The following ERCC5 variants were observed in gnomAD, a reference collection of about 807,000 sequenced individuals.
ERCC5 encodes the protein ERCC excision repair 5, endonuclease, also known as DNA excision repair protein ERCC-5.
ERCC5 carries 68 observed loss-of-function variants against 105.6 expected under a neutral mutation model. The ratio of observed to expected loss-of-function variants is 0.64; its 90% CI spans 0.53 to 0.79. ERCC5 has a LOEUF of 0.79. Ranked by LOEUF, ERCC5 falls within the 30% of genes least tolerant of loss-of-function variation. The pLI, the probability that ERCC5 is intolerant of heterozygous loss-of-function variation, is 0.00. For synonymous variants in ERCC5, 546 were observed against 526.2 expected (o/e 1.04, Z -0.51); for missense variants, 1,373 against 1,426.7 (o/e 0.96, Z 0.61).
chr13:102,866,196 G>A (rs2140531826), intron 9 of ERCC5, 66 bp from the exon 10 acceptor site: 1 of 1,602,442 alleles, frequency 6.2e-7, no homozygotes, highest in Non-Finnish European at 8.5e-7. Flanking sequence ...CTAAATGCAG[G>A]CTTTTTGTAA....
chr13:102,846,217 A>C lies in ERCC5; in HGVS notation c.-50A>C, dbSNP rs778338109. On this transcript the variant is annotated 5_prime_UTR_variant, in exon 1 of 15. Coordinates refer to ENST00000652225, the MANE Select transcript of ERCC5 (RefSeq NM_000123.4). ...AGGCGGCGGTGCAGTCCGTCGTAGA[A>C]GAATTAGAGTAGAAGTTGTCGGGGT... The C allele has an allele frequency of 2.9e-5, 44 of 1,507,424 alleles. No homozygotes were observed. In the African/African-American group the frequency reaches 5.8e-4, roughly 20 times the overall value. The allele number at this position is 1,507,424 out of a possible 1,614,324, so 93.4% of individuals were successfully genotyped here.
intron 8 of ERCC5, among the ~76,000 whole-genome samples, chr13:102,863,857 A>G (rs1220109979): frequency 2.0e-5 from 3 of 152,154 alleles, no homozygotes. Flanking sequence ...TTGAATCCCT[A>G]TTCTGGCACC....
chr13:102,862,492 C>G lies in ERCC5; in HGVS notation c.1343C>G (p.Ser448Ter). Reference protein sequence around the residue: ...KGIPFTATLASSSVNSAEEHV... With the variant: ...KGIPFTATLA ...ATACCGTTTACTGCAACACTTGCGTCATCTAGTGTGAACTCTGCAGAGGAG... is the reference window on the plus strand; with the variant it reads ...ATACCGTTTACTGCAACACTTGCGTGATCTAGTGTGAACTCTGCAGAGGAG... Residue 448 changes from serine to a stop codon, truncating the protein, a stop_gained, in exon 8 of 15, where the codon TCA (serine) becomes TGA (stop). Coordinates refer to ENST00000652225, the MANE Select transcript of ERCC5 (RefSeq NM_000123.4). LOFTEE classifies it high-confidence loss of function. 1 of 1,614,004 alleles carries G rather than the reference C, an allele frequency of 6.2e-7. No individual in the cohort carries two copies. The highest frequency in any genetic ancestry group is 1.1e-5 in the South Asian group (1 of 91,076).
rs1329656284 is a variant in ERCC5 at position 102,846,258 on chromosome 13, A to G, written c.-9A>G. 2 of 1,612,030 alleles carry G rather than the reference A, an allele frequency of 1.2e-6. No individual in the cohort carries two copies. The highest frequency in any genetic ancestry group is 1.7e-6 in the Non-Finnish European group (2 of 1,178,922). On this transcript the variant is annotated 5_prime_UTR_variant, in exon 1 of 15. Transcript: ENST00000652225. Reference sequence around the variant, plus strand: ...TTGTCGGGGTCCGCTCTTAGGACGCAGCCGCCTCATGGGGGTCCAGGGGCT... The same window carrying G: ...TTGTCGGGGTCCGCTCTTAGGACGCGGCCGCCTCATGGGGGTCCAGGGGCT...
rs767586223 is a variant in ERCC5 at position 102,875,935 on chromosome 13, T to C, written c.*32T>C. ...AATATGTATCCTCTATAATTAGTTA[T>C]GACAGCCATTTGTAATGAATTTGTC... On this transcript the variant is annotated 3_prime_UTR_variant, in exon 15 of 15. Coordinates refer to ENST00000652225, the MANE Select transcript of ERCC5 (RefSeq NM_000123.4). The C allele has an allele frequency of 6.3e-7, 1 of 1,596,536 alleles. No homozygotes were observed. Among genetic ancestry groups the C allele is most frequent in the South Asian group, 1.1e-5 (1 of 90,538 alleles).
intron 6 of ERCC5, chr13:102,858,984 G>A (rs760086833): frequency 1.8e-5 from 8 of 452,430 alleles, no homozygotes; most frequent in Non-Finnish European, 2.7e-5. Flanking sequence ...CCTGGACAGT[G>A]CGAATGGGGC....
chr13:102,849,778 C>G (rs1040797677), intron 1 of ERCC5, among the ~76,000 whole-genome samples: 6 of 152,146 alleles, frequency 3.9e-5, no homozygotes, highest in African/African-American at 1.4e-4. Context: ...AGGGCCAATA[C>G]TGTGTTTTGT....
At position 102,865,686 on chromosome 13, in the gene ERCC5, A is replaced by G. The variant is rs55686372; in HGVS notation, c.1974A>G (p.Gln658=). The G allele has an allele frequency of 9.2e-4, 1,488 of 1,613,746 alleles. 21 individuals are homozygous for G. In the African/African-American group the frequency reaches 0.018, roughly 20 times the overall value. Reference sequence around the variant, plus strand: ...GTACAGGAAGTTTCATTGAAGTGCAAAGTGTGATTAGTGATGAGGAACTTC... The same window carrying G: ...GTACAGGAAGTTTCATTGAAGTGCAGAGTGTGATTAGTGATGAGGAACTTC... ...SESDGSFIEV[Q]SVISDEELQA... The change falls in exon 9 of 15, where the codon CAA becomes CAG. Residue 658 remains glutamine (Q), a synonymous_variant. Transcript: ENST00000652225. The surrounding 1 kb of genome is among the most constrained non-coding windows in gnomAD (Gnocchi z 4.0).
At chr13:102,871,676 A>AT (rs1417257225) in intron 12 of ERCC5, among the ~76,000 whole-genome samples, 2 of 152,024 alleles carry the variant, frequency 1.3e-5, no homozygotes, top group Non-Finnish European at 2.9e-5. Flanking sequence ...GTTTTTACAG[A>AT]TTTTTTAAAC....
intron 4 of ERCC5, among the ~76,000 whole-genome samples, chr13:102,855,436 A>G (rs1427330001): frequency 6.6e-6 from 1 of 152,202 alleles, no homozygotes; most frequent in East Asian, 1.9e-4. Context: ...TTTTTAGTAG[A>G]GACGAGGTTT....
intron 6 of ERCC5, among the ~76,000 whole-genome samples, chr13:102,860,140 T>G (rs1882567737): frequency 6.6e-6 from 1 of 152,218 alleles, no homozygotes; most frequent in African/African-American, 2.4e-5. Context: ...TTATTTGACT[T>G]AATGATGGCA....
chr13:102,875,449 C>G lies in ERCC5; in HGVS notation c.3107C>G (p.Ala1036Gly), dbSNP rs757941863. The change falls in exon 15 of 15, where the codon GCA becomes GGA. Residue 1036 changes from alanine (A) to glycine (G), a missense_variant. Physicochemically the swap from Ala to Gly is moderately conservative, Grantham distance 60. This residue lies in a region of ERCC5 where 367 missense variants were observed against 350.2 expected (regional missense o/e 1.05). Coordinates refer to ENST00000652225, the MANE Select transcript of ERCC5 (RefSeq NM_000123.4). Reference sequence around the variant, plus strand: ...GAAGCAGCAGCCAGCGAAATAGAAGCAGTTTCTGTTGCCATGGAGAAAGAA... The same window carrying G: ...GAAGCAGCAGCCAGCGAAATAGAAGGAGTTTCTGTTGCCATGGAGAAAGAA... The part of the protein sequence containing the change: ...EKEAAASEIE[A>G]VSVAMEKEFE... The G allele has an allele frequency of 1.2e-6, 2 of 1,614,152 alleles. No homozygotes were observed. Among genetic ancestry groups the G allele is most frequent in the African/African-American group, 2.7e-5 (2 of 75,036 alleles).
chr13:102,872,730 C>T (rs1357880123), intron 13 of ERCC5, among the ~76,000 whole-genome samples: 2 of 152,114 alleles, frequency 1.3e-5, no homozygotes, highest in Admixed American at 1.3e-4. Context: ...TGGCCCCTCT[C>T]CTTAGTTTTA....
intron 14 of ERCC5, among the ~76,000 whole-genome samples, chr13:102,873,676 TCAAAG>T (rs1445056165): frequency 6.6e-6 from 1 of 152,190 alleles, no homozygotes; most frequent in Non-Finnish European, 1.5e-5. Flanking sequence ...AAGGAAGTCT[TCAAAG>T]CAATTCTGAT....
rs911756563 is a variant in ERCC5 at position 102,847,915 on chromosome 13, C to T, written c.88+1561C>T. 8.5e-5 allele frequency among the ~76,000 whole-genome samples: 13 copies of T among 152,344 alleles called. No homozygotes were observed. The East Asian group carries it at 2.3e-3, about 27-fold the overall frequency. ...GTGGCTTACGCCTGTCATCCCAGCA[C>T]TTTGGGAGGTCAAGGCAGGAGGATC... On this transcript the variant is annotated intron_variant, in intron 1 of 14. Transcript: ENST00000652225.
At chr13:102,863,532 C>G (rs4150323) in intron 8 of ERCC5, among the ~76,000 whole-genome samples, 3 of 152,056 alleles carry the variant, frequency 2.0e-5, no homozygotes, top group African/African-American at 7.2e-5. Context: ...TCATATATCT[C>G]CAAATCTGTA....
rs776583974 is a variant in ERCC5, at chr13:102,875,362, C to T, written c.3020C>T (p.Ala1007Val). ...FRLAQQEKED[A>V]KRIKSQRLNR... ...TTAGCACAACAGGAGAAAGAAGATG[C>T]TAAACGTATTAAGAGCCAGAGACTA... is the stretch of plus-strand genomic sequence containing the variant. The change falls in exon 15 of 15, where the codon GCT (alanine) becomes GTT (valine). Residue 1007 changes from alanine (A) to valine (V), a missense_variant. Transcript: ENST00000652225. 1.2e-6 allele frequency: 2 copies of T among 1,613,830 alleles called. No homozygotes were observed. Among genetic ancestry groups the T allele is most frequent in the Non-Finnish European group, 1.7e-6 (2 of 1,179,992 alleles).
rs587778290 is a variant in ERCC5, at chr13:102,868,121, C to A, written c.2542C>A (p.Arg848=). 6.2e-7 allele frequency: 1 copy of A among 1,613,590 alleles called. No individual in the cohort carries two copies. Among genetic ancestry groups the A allele is most frequent in the East Asian group, 2.2e-5 (1 of 44,858 alleles). Residue 848 remains arginine (R), a synonymous_variant, in exon 12 of 15, where the codon CGG becomes AGG. Transcript: ENST00000652225. ...VDFHNQLGLD[R]NKLINLAYLL... is the part of the protein sequence containing the mutation. ...ATATTGTTACTCTTTAGGATTGGACCGGAATAAGTTAATAAATTTGGCTTA... is the reference window on the plus strand; with the variant it reads ...ATATTGTTACTCTTTAGGATTGGACAGGAATAAGTTAATAAATTTGGCTTA...
chr13:102,872,422 A>G lies in ERCC5; in HGVS notation c.2879+24A>G, dbSNP rs1390236996. The stretch of plus-strand genomic sequence containing the variant: ...GAATATCCTTTGCTTCTTAAAAGAG[A>G]AGGAAACACCTTGTCAAATATGTGT... On this transcript the variant is annotated intron_variant, in intron 13 of 14. Transcript: ENST00000652225. The G allele has an allele frequency of 1.9e-6, 3 of 1,613,370 alleles. 1 individual carries two copies. Among genetic ancestry groups the G allele is most frequent in the East Asian group, 4.5e-5 (2 of 44,874 alleles).
Sources: allele counts gnomAD v4.1 joint callset (sites outside exome capture counted in the v4.1 genomes callset), GRCh38; gene constraint gnomAD v4.1.1; regional missense constraint gnomAD v4.1.1; non-coding constraint Gnocchi (gnomAD v3.1); transcripts MANE v1.5; gene names NCBI Gene and HGNC (gene_info 2026-07-23, HGNC 2026-07-21).